Variants in SPAG16 observed in about 807,000 individuals in gnomAD.
SPAG16 encodes the protein sperm associated antigen 16, also known as sperm-associated antigen 16 protein.
In SPAG16, 86 loss-of-function variants were observed where a neutral mutation model predicts 80.4. The observed-to-expected ratio is 1.07, with a 90% CI of 0.90 to 1.28. The LOEUF is 1.28. Ranked by LOEUF, SPAG16 falls within the 50% of genes most tolerant of loss-of-function variation. The pLI is 0.00. For missense variants in SPAG16, 870 were observed against 765.3 expected (o/e 1.14, Z -1.61); for synonymous variants, 294 against 265.9 (o/e 1.11, Z -1.03).
chr2:213,295,236 C>T (rs1347085852), intron 1 of SPAG16, among the ~76,000 whole-genome samples: 4 of 151,988 alleles, frequency 2.6e-5, no homozygotes, highest in Admixed American at 2.6e-4. Context: ...AAATGTAAAC[C>T]TAACAATAAT....
intron 10 of SPAG16, among the ~76,000 whole-genome samples, chr2:213,537,045 A>T (rs551743172): frequency 5.3e-5 from 8 of 151,836 alleles, no homozygotes; most frequent in Non-Finnish European, 1.2e-4. Flanking sequence ...CATCATTCTC[A>T]GTAAACTATC....
At chr2:214,005,064 G>C (rs1188121269) in intron 12 of SPAG16, among the ~76,000 whole-genome samples, 1 of 152,096 alleles carries the variant, frequency 6.6e-6, no homozygotes, top group African/African-American at 2.4e-5. Flanking sequence ...TTATAAAGCT[G>C]TTTGTTTTGA....
rs528018155 is a variant in SPAG16 at position 213,404,843 on chromosome 2, A to T, written c.942+29724A>T. Among the ~76,000 whole-genome samples, 267 of 151,796 alleles carry T rather than the reference A, an allele frequency of 1.8e-3. 1 individual carries two copies. Among genetic ancestry groups the T allele is most frequent in the African/African-American group, 5.9e-3 (245 of 41,424 alleles). ...TAAAGGTCATATTTGATTCTTTAAAATTTTTTTTTAATTATTGGTAGCTCC... is the reference window on the plus strand; with the variant it reads ...TAAAGGTCATATTTGATTCTTTAAATTTTTTTTTTAATTATTGGTAGCTCC... On this transcript the variant is annotated intron_variant, in intron 9 of 15. Coordinates refer to ENST00000331683, the MANE Select transcript of SPAG16 (RefSeq NM_024532.5).
chr2:214,356,048 G>A lies in SPAG16; in HGVS notation c.1721-54092G>A, dbSNP rs374756872. ...GGGGTGGGGGGAGGGGGGAGGGATA[G>A]CATTAGGAGATATACCTAATGCTAA... is the stretch of plus-strand genomic sequence containing the variant. On this transcript the variant is annotated intron_variant, in intron 15 of 15. Transcript: ENST00000331683. Among the ~76,000 whole-genome samples the A allele has an allele frequency of 2.0e-5, 3 of 148,142 alleles. No individual in the cohort carries two copies. In the East Asian group the frequency reaches 6.2e-4, roughly 30 times the overall value.
chr2:213,814,365 T>TA (rs1440133393), intron 10 of SPAG16, among the ~76,000 whole-genome samples: 2 of 152,206 alleles, frequency 1.3e-5, no homozygotes, highest in Non-Finnish European at 2.9e-5. Flanking sequence ...TAATTACATC[T>TA]AAAAATATAC....
At chr2:213,743,662 G>A (rs1455734199) in intron 10 of SPAG16, among the ~76,000 whole-genome samples, 2 of 152,026 alleles carry the variant, frequency 1.3e-5, no homozygotes, top group South Asian at 2.1e-4. Flanking sequence ...GTCTTCTCGG[G>A]CTACTACTAA....
chr2:214,182,564 C>A (rs1293067009), intron 15 of SPAG16, among the ~76,000 whole-genome samples: 1 of 151,854 alleles, frequency 6.6e-6, no homozygotes, highest in Non-Finnish European at 1.5e-5. Context: ...GACTGCAAAT[C>A]TTTAAGTCAA....
chr2:214,243,228 T>C (rs1053112053), intron 15 of SPAG16, among the ~76,000 whole-genome samples: 8 of 152,126 alleles, frequency 5.3e-5, no homozygotes, highest in Admixed American at 2.6e-4. Context: ...TTATTCTAAG[T>C]GGTATCGGTA....
chr2:214,257,216 G>T (rs1376812161), intron 15 of SPAG16, among the ~76,000 whole-genome samples: 1 of 151,838 alleles, frequency 6.6e-6, no homozygotes, highest in African/African-American at 2.4e-5. Flanking sequence ...AAATGTGATA[G>T]ATTTTTATAT....
chr2:213,730,919 C>T (rs1172791154), intron 10 of SPAG16, among the ~76,000 whole-genome samples: 2 of 152,118 alleles, frequency 1.3e-5, no homozygotes, highest in African/African-American at 4.8e-5. Flanking sequence ...AATTTTTAGG[C>T]TCACTGATTT....
At chr2:213,378,591 G>T (rs1294074472) in intron 9 of SPAG16, among the ~76,000 whole-genome samples, 1 of 152,210 alleles carries the variant, frequency 6.6e-6, no homozygotes, top group Non-Finnish European at 1.5e-5. Context: ...TCTTAGTACA[G>T]TGTATACATG....
chr2:214,218,402 C>T (rs1051695474), intron 15 of SPAG16, among the ~76,000 whole-genome samples: 9 of 152,122 alleles, frequency 5.9e-5, no homozygotes, highest in Admixed American at 4.6e-4. Flanking sequence ...TGTGCCAAAT[C>T]TGGGAAAACT....
intron 10 of SPAG16, among the ~76,000 whole-genome samples, chr2:213,824,839 T>A (rs189798374): frequency 1.2e-4 from 18 of 152,304 alleles, no homozygotes; most frequent in Admixed American, 5.2e-4. Context: ...ATGGACACTT[T>A]AACAATATTC....
At chr2:214,217,648 A>G (rs1394761678) in intron 15 of SPAG16, among the ~76,000 whole-genome samples, 1 of 152,250 alleles carries the variant, frequency 6.6e-6, no homozygotes, top group Non-Finnish European at 1.5e-5. Flanking sequence ...CCACATGCTA[A>G]AAGAATAGGC....
intron 15 of SPAG16, among the ~76,000 whole-genome samples, chr2:214,216,781 A>T (rs2058442915): frequency 6.6e-6 from 1 of 152,340 alleles, no homozygotes; most frequent in East Asian, 1.9e-4. Flanking sequence ...TATAGAATGC[A>T]GATTGGCATA....
chr2:214,063,430 G>A (rs571509777), intron 13 of SPAG16, among the ~76,000 whole-genome samples: 9 of 152,144 alleles, frequency 5.9e-5, no homozygotes, highest in South Asian at 2.1e-4. Flanking sequence ...CCAAGATGGC[G>A]CCCTTTTGGT....
At chr2:214,134,617 C>G (rs774341838) in intron 14 of SPAG16, among the ~76,000 whole-genome samples, 1 of 152,032 alleles carries the variant, frequency 6.6e-6, no homozygotes, top group Non-Finnish European at 1.5e-5. Flanking sequence ...CAAATTTGCC[C>G]GAATTCAGTC....
intron 13 of SPAG16, among the ~76,000 whole-genome samples, chr2:214,033,686 T>A (rs1419608941): frequency 6.6e-6 from 1 of 151,892 alleles, no homozygotes; most frequent in Non-Finnish European, 1.5e-5. Flanking sequence ...ATTTTACTAT[T>A]TTTTTTTATA....
chr2:214,403,676 C>T (rs1282875495), intron 15 of SPAG16, among the ~76,000 whole-genome samples: 1 of 152,060 alleles, frequency 6.6e-6, no homozygotes, highest in African/African-American at 2.4e-5. Flanking sequence ...CAGTGCTTGG[C>T]AAATAATATG....
Sources: allele counts gnomAD v4.1 joint callset (sites outside exome capture counted in the v4.1 genomes callset), GRCh38; gene constraint gnomAD v4.1.1; transcripts MANE v1.5; gene names NCBI Gene and HGNC (gene_info 2026-07-23, HGNC 2026-07-21).